The following FGF10 variants were observed in gnomAD, a reference collection of about 807,000 sequenced individuals.
The protein encoded by FGF10 is fibroblast growth factor 10, also known as FGF-10.
FGF10 carries 2 observed loss-of-function variants against 19.8 expected under a neutral mutation model. That is an observed-to-expected ratio of 0.10 (90% confidence interval 0.04 to 0.32). The LOEUF (loss-of-function observed/expected upper bound fraction) is 0.32. Among genes scored for constraint, FGF10 ranks in the 10% least tolerant of loss-of-function variants. The pLI is 1.00. For synonymous variants in FGF10, 112 were observed against 94.0 expected, an observed-to-expected ratio of 1.19 and a Z score of -1.10; for missense variants, 191 against 246.3, an observed-to-expected ratio of 0.78 and a Z score of 1.50.
At chr5:44,372,130 G>T (rs1178016814) in intron 1 of FGF10, among the ~76,000 whole-genome samples, 1 of 151,956 alleles carries the variant, frequency 6.6e-6, no homozygotes, top group Non-Finnish European at 1.5e-5. Context: ...TGTTTCCCTC[G>T]GCTGAAATTA....
chr5:44,354,394 T>G (rs1741300289), intron 1 of FGF10, among the ~76,000 whole-genome samples: 1 of 151,508 alleles, frequency 6.6e-6, no homozygotes, highest in African/African-American at 2.4e-5. Context: ...CAGTAGTATA[T>G]TATAGTTAAT....
At chr5:44,308,710 C>T (rs1346132985) in intron 2 of FGF10, among the ~76,000 whole-genome samples, 1 of 152,078 alleles carries the variant, frequency 6.6e-6, no homozygotes, top group African/African-American at 2.4e-5. Context: ...AGCATTTGCC[C>T]TAGTCCCAGG....
intron 1 of FGF10, among the ~76,000 whole-genome samples, chr5:44,334,529 G>T (rs1240448559): frequency 6.6e-6 from 1 of 152,062 alleles, no homozygotes; most frequent in Non-Finnish European, 1.5e-5. Flanking sequence ...TAGGGCACAT[G>T]TGCACAACGT....
intron 1 of FGF10, among the ~76,000 whole-genome samples, chr5:44,370,779 T>C (rs1579939000): frequency 6.6e-6 from 1 of 152,252 alleles, no homozygotes; most frequent in Admixed American, 6.5e-5. Context: ...ATCTTATTTT[T>C]TTCCAAGCCA....
chr5:44,324,597 TC>T (rs1277767415), intron 1 of FGF10, among the ~76,000 whole-genome samples: 1 of 152,170 alleles, frequency 6.6e-6, no homozygotes, highest in African/African-American at 2.4e-5. Context: ...AAATTGATTT[TC>T]TCAAATCTGA....
At chr5:44,371,938 A>G (rs1000952314) in intron 1 of FGF10, among the ~76,000 whole-genome samples, 2 of 152,176 alleles carry the variant, frequency 1.3e-5, no homozygotes, top group African/African-American at 2.4e-5. Context: ...CATGCTTAGT[A>G]CTATCTACCA....
At chr5:44,378,985 C>T (rs1003739424) in intron 1 of FGF10, among the ~76,000 whole-genome samples, 3 of 152,196 alleles carry the variant, frequency 2.0e-5, no homozygotes, top group African/African-American at 7.2e-5. Context: ...CATCCAGCCT[C>T]AATGTGCCTT....
intron 1 of FGF10, among the ~76,000 whole-genome samples, chr5:44,373,817 A>G (rs1446161595): frequency 1.3e-5 from 2 of 152,078 alleles, no homozygotes; most frequent in African/African-American, 4.8e-5. Context: ...AGTCTGTTTA[A>G]AGAAATCCAG....
At chr5:44,379,538 T>C (rs1445366951) in intron 1 of FGF10, among the ~76,000 whole-genome samples, 1 of 152,194 alleles carries the variant, frequency 6.6e-6, no homozygotes, top group Non-Finnish European at 1.5e-5. Flanking sequence ...TTTTATCCCT[T>C]TGAATCAAAG....
intron 1 of FGF10, among the ~76,000 whole-genome samples, chr5:44,350,014 G>A (rs1741196509): frequency 6.6e-6 from 1 of 150,782 alleles, no homozygotes; most frequent in Admixed American, 6.6e-5. Context: ...ATGAACAACA[G>A]GTTCATTCCT....
Position 44,377,439 on chromosome 5 carries a change from G to T in FGF10, c.325+10919C>A, listed in dbSNP as rs141719616. On this transcript the variant is annotated intron_variant, in intron 1 of 2. Transcript: ENST00000264664. ...TAAGTATCTGTGATAATGCTGTCTC[G>T]AAACTGTAAGTTGAAATATAAGACT... 9.2e-5 allele frequency among the ~76,000 whole-genome samples: 14 copies of T among 152,268 alleles called. No individual in the cohort carries two copies. In the East Asian group the frequency reaches 2.5e-3, roughly 27 times the overall value.
In FGF10 at chr5:44,388,552, A is replaced by G. The variant is rs779848984; in HGVS notation, c.131T>C (p.Met44Thr). 2 of 1,614,216 alleles carry G rather than the reference A, an allele frequency of 1.2e-6. No individual in the cohort carries two copies. The highest frequency in any genetic ancestry group is 8.5e-7 in the Non-Finnish European group (1 of 1,180,044). Residue 44 changes from methionine (M) to threonine (T), a missense_variant, in exon 1 of 3, where the codon ATG (methionine) becomes ACG (threonine). Transcript: ENST00000264664. ...PVTCQALGQD[M>T]VSPEATNSSS... ...AGAGTTGGTGGCCTCTGGTGACACC[A>G]TGTCCTGACCAAGGGCTTGGCAGGT...
intron 1 of FGF10, among the ~76,000 whole-genome samples, chr5:44,335,195 C>A (rs909005812): frequency 1.3e-5 from 2 of 151,958 alleles, no homozygotes; most frequent in African/African-American, 2.4e-5. Flanking sequence ...TGGCTCATAA[C>A]ATAACAATAA....
intron 1 of FGF10, among the ~76,000 whole-genome samples, chr5:44,335,380 T>C (rs1740823532): frequency 6.6e-6 from 1 of 152,112 alleles, no homozygotes; most frequent in Admixed American, 6.6e-5. Flanking sequence ...TCCATTCTAT[T>C]TATAGCTAGT....
At chr5:44,330,354 T>A (rs554949660) in intron 1 of FGF10, among the ~76,000 whole-genome samples, 1 of 152,310 alleles carries the variant, frequency 6.6e-6, no homozygotes, top group East Asian at 1.9e-4. Context: ...TAAGTAAGTA[T>A]AACAGGGATA....
intron 1 of FGF10, among the ~76,000 whole-genome samples, chr5:44,346,270 A>C (rs190814804): frequency 1.1e-3 from 174 of 151,908 alleles, no homozygotes; most frequent in African/African-American, 4.1e-3. Context: ...TGTCAGTGCT[A>C]TCCAAAACCA....
rs537219584 is a variant in FGF10 at position 44,350,941 on chromosome 5, C to T, written c.325+37417G>A. On this transcript the variant is annotated intron_variant, in intron 1 of 2. Transcript: ENST00000264664. ...ATTTGGTAGCTTAGTAAATAATGCCCGCTGATAATTATTATATTTCACATG... is the reference window on the plus strand; with the variant it reads ...ATTTGGTAGCTTAGTAAATAATGCCTGCTGATAATTATTATATTTCACATG... Among the ~76,000 whole-genome samples, 205 of 151,150 alleles carry T rather than the reference C, an allele frequency of 1.4e-3. 3 individuals are homozygous for T. The highest frequency in any genetic ancestry group is 3.2e-3 in the African/African-American group (134 of 41,334).
chr5:44,371,637 T>C (rs1741743946), intron 1 of FGF10, among the ~76,000 whole-genome samples: 1 of 152,168 alleles, frequency 6.6e-6, no homozygotes, highest in South Asian at 2.1e-4. Flanking sequence ...GGATAGGTTC[T>C]GTATCAAACA....
intron 1 of FGF10, among the ~76,000 whole-genome samples, chr5:44,374,769 T>C (rs997291445): frequency 4.6e-5 from 7 of 152,174 alleles, no homozygotes; most frequent in African/African-American, 1.4e-4. Context: ...AACTGTCTCA[T>C]AGTCAGCAGG....
Sources: allele counts gnomAD v4.1 joint callset (sites outside exome capture counted in the v4.1 genomes callset), GRCh38; gene constraint gnomAD v4.1.1; transcripts MANE v1.5; gene names NCBI Gene and HGNC (gene_info 2026-07-23, HGNC 2026-07-21).